The following TLK1 variants were observed in gnomAD, a reference collection of about 807,000 sequenced individuals.
TLK1 encodes serine/threonine-protein kinase tousled-like 1.
Under a neutral mutation model 105.3 loss-of-function variants are expected in TLK1, and 24 were observed. The ratio of observed to expected loss-of-function variants is 0.23; its 90% CI spans 0.17 to 0.32. The LOEUF (loss-of-function observed/expected upper bound fraction) is 0.32. Ranked by LOEUF, TLK1 falls within the 10% of genes least tolerant of loss-of-function variation. The probability of loss-of-function intolerance (pLI) is 1.00; values close to 1 mark genes in which losing one functional copy is unlikely to be tolerated. For synonymous variants in TLK1, 321 were observed against 310.4 expected (o/e 1.03, Z -0.36); for missense variants, 558 against 910.5 (o/e 0.61, Z 4.98).
In TLK1 at chr2:171,148,911, A is replaced by ATGTG. The variant is rs58338054; in HGVS notation, c.139+11375_139+11378dup. Among the ~76,000 whole-genome samples, 16 of 134,240 alleles carry ATGTG rather than the reference A, an allele frequency of 1.2e-4. No homozygotes were observed. The East Asian group carries it at 1.4e-3, about 12-fold the overall frequency. 88.1% of individuals were successfully genotyped at this position (134,240 alleles called of 152,430 possible). A position where few individuals can be genotyped will look rare whatever the true frequency, so the allele number is the denominator to read the frequency against. On this transcript the variant is annotated intron_variant, in intron 1 of 20. Transcript: ENST00000431350. ...AAAAAATATATATATATATATATAT[A>ATGTG]TGTGTGTGTGTGTGTGCGTGTGCGT...
At position 171,217,428 on chromosome 2, in the gene TLK1, C is replaced by G. The variant is rs79566386; in HGVS notation, c.-6+13717G>C. On this transcript the variant is annotated intron_variant, in intron 1 of 20. Transcript: ENST00000521943. ...CATTTTGAGAACTGGTTTCTGGACC[C>G]TCCTGTTCCATTGATCTCTTTGTCA... 6.9e-3 allele frequency among the ~76,000 whole-genome samples: 1,050 copies of G among 152,274 alleles called. 9 individuals are homozygous for G. The highest frequency in any genetic ancestry group is 0.024 in the African/African-American group (1,013 of 41,546).
chr2:171,194,817 AG>A lies in TLK1; in HGVS notation c.-6+36327del, dbSNP rs760247845. On this transcript the variant is annotated intron_variant, in intron 1 of 20. Transcript: ENST00000521943. ...GGGCGACAGAGCGAGACTCCGTCTC[AG>A]GGAAAAAAAAAAAAAAAAAAAAGTA... Among the ~76,000 whole-genome samples, 24 of 94,376 alleles carry A rather than the reference AG, an allele frequency of 2.5e-4. 1 individual carries two copies. Among genetic ancestry groups the A allele is most frequent in the African/African-American group, 1.3e-3 (22 of 16,952 alleles). The allele number at this position is 94,376 out of a possible 152,430, so 61.9% of individuals were successfully genotyped here. A position where few individuals can be genotyped will look rare whatever the true frequency, so the allele number is the denominator to read the frequency against.
chr2:171,162,846 G>C (rs1409177328), upstream of TLK1, among the ~76,000 whole-genome samples: 10 of 152,170 alleles, frequency 6.6e-5, no homozygotes, highest in African/African-American at 2.4e-4. Flanking sequence ...TTTTGCCCAG[G>C]CTGGAGTGCC....
rs573883059 is a variant in TLK1, at chr2:171,119,415, TTTCAG to T, written c.140-1563_140-1559del. 2.1e-3 allele frequency among the ~76,000 whole-genome samples: 327 copies of T among 152,342 alleles called. 2 individuals carry two copies. The highest frequency in any genetic ancestry group is 3.6e-3 in the Non-Finnish European group (248 of 68,028). ...TATTCCCCATGGCCTTCTGTTTTCTTTTCAGATCTCCTTTGGCTTCAAACATGATT... is the reference window on the plus strand; with the variant it reads ...TATTCCCCATGGCCTTCTGTTTTCTTATCTCCTTTGGCTTCAAACATGATT... On this transcript the variant is annotated intron_variant, in intron 1 of 20. Coordinates refer to ENST00000431350, the MANE Select transcript of TLK1 (RefSeq NM_012290.5).
intron 1 of TLK1, among the ~76,000 whole-genome samples, chr2:171,120,691 G>C (rs1046978275): frequency 6.6e-6 from 1 of 152,190 alleles, no homozygotes; most frequent in Non-Finnish European, 1.5e-5. Flanking sequence ...TGCATCGCTG[G>C]TGGGAACATA....
intron 3 of TLK1, among the ~76,000 whole-genome samples, chr2:171,070,179 T>C (rs946669290): frequency 6.6e-6 from 1 of 151,490 alleles, no homozygotes; most frequent in Non-Finnish European, 1.5e-5. Context: ...AGGTTCCTTT[T>C]TAAATTTTTT....
At chr2:171,222,893 C>A (rs1693834205) in intron 1 of TLK1, among the ~76,000 whole-genome samples, 1 of 152,152 alleles carries the variant, frequency 6.6e-6, no homozygotes, top group South Asian at 2.1e-4. Context: ...CGGCTCACTG[C>A]AACCTCCGCT....
intron 12 of TLK1, among the ~76,000 whole-genome samples, chr2:171,026,473 A>G (rs1485893758): frequency 6.6e-6 from 1 of 152,136 alleles, no homozygotes; most frequent in Non-Finnish European, 1.5e-5. Context: ...CTGCTCTACA[A>G]TTTCAGATTT....
At chr2:171,069,707 T>C (rs560390948) in intron 3 of TLK1, among the ~76,000 whole-genome samples, 2 of 152,328 alleles carry the variant, frequency 1.3e-5, no homozygotes, top group South Asian at 4.1e-4. Flanking sequence ...CTTTTTTACT[T>C]TCATTCTGAG....
intron 2 of TLK1, among the ~76,000 whole-genome samples, chr2:171,113,465 G>T (rs1322085822): frequency 6.6e-6 from 1 of 151,960 alleles, no homozygotes; most frequent in Non-Finnish European, 1.5e-5. Context: ...TAGAGATGGG[G>T]TTCCACCATG....
At chr2:171,056,271 G>C (rs1302043613) in intron 6 of TLK1, among the ~76,000 whole-genome samples, 200 bp downstream of exon 6, 2 of 151,970 alleles carry the variant, frequency 1.3e-5, no homozygotes, top group Admixed American at 6.6e-5. Flanking sequence ...TCTTTAAGAG[G>C]CTCACTTCCA....
chr2:171,196,292 T>C (rs1693274987), intron 1 of TLK1, among the ~76,000 whole-genome samples: 1 of 152,008 alleles, frequency 6.6e-6, no homozygotes, highest in South Asian at 2.1e-4. Context: ...CAGTTTTGTA[T>C]TTTTAATAGA....
intron 12 of TLK1, among the ~76,000 whole-genome samples, chr2:171,023,562 C>G (rs952526229): frequency 1.3e-5 from 2 of 152,062 alleles, no homozygotes; most frequent in Non-Finnish European, 2.9e-5. Flanking sequence ...ACAAAAAAAT[C>G]TGAAGACAAG....
intron 2 of TLK1, among the ~76,000 whole-genome samples, chr2:171,107,715 T>G (rs1001523359): frequency 2.0e-5 from 3 of 152,010 alleles, no homozygotes; most frequent in African/African-American, 7.2e-5. Flanking sequence ...CTGGCCAAAT[T>G]TGGGACAATT....
chr2:171,061,126 T>G lies in TLK1; in HGVS notation c.361A>C (p.Arg121=), dbSNP rs372344910. The G allele has an allele frequency of 1.9e-6, 3 of 1,613,514 alleles. No homozygotes were observed. The highest frequency in any genetic ancestry group is 1.7e-5 in the Admixed American group (1 of 59,998). ...TTTTCTGCTTTTCTCTTTCTTCCCC[T>G]GGATGATTCCGATTGTTTCTTCTCC... ...TPEKKQSESS[R]GRKRKAENQN... is the part of the protein sequence containing the mutation. Residue 121 remains arginine, a synonymous_variant, in exon 4 of 21, where the codon AGG becomes CGG. Transcript: ENST00000431350.
chr2:171,074,626 C>CAAAAAAAAAAAAAAAA (rs372844435), intron 3 of TLK1, among the ~76,000 whole-genome samples: 2 of 89,942 alleles, frequency 2.2e-5, no homozygotes, highest in Non-Finnish European at 4.7e-5. Context: ...GACTCTGCCT[C>CAAAAAAAAAAAAAAAA]AAAAAAAAAA....
At chr2:171,176,952 C>A (rs1692840433) in intron 1 of TLK1, among the ~76,000 whole-genome samples, 1 of 151,512 alleles carries the variant, frequency 6.6e-6, no homozygotes, top group Non-Finnish European at 1.5e-5. Context: ...CCTGCCTCAC[C>A]CTCCTGAGTG....
At chr2:171,021,111 C>T (rs1685479126) in intron 12 of TLK1, among the ~76,000 whole-genome samples, 1 of 152,126 alleles carries the variant, frequency 6.6e-6, no homozygotes, top group South Asian at 2.1e-4. Flanking sequence ...TAAATACATG[C>T]ATTAATACCC....
rs532579065 is a variant in TLK1 at position 171,072,457 on chromosome 2, C to CA, written c.330+10323dup. On this transcript the variant is annotated intron_variant, in intron 3 of 20. Coordinates refer to ENST00000431350, the MANE Select transcript of TLK1 (RefSeq NM_012290.5). Reference sequence around the variant, plus strand: ...TGAAACCCCATCTCTACTAAAAGTACAAAAAAATTAGCTGGGTAGGCCGGG... The same window carrying CA: ...TGAAACCCCATCTCTACTAAAAGTACAAAAAAAATTAGCTGGGTAGGCCGGG... 1.8e-4 allele frequency among the ~76,000 whole-genome samples: 27 copies of CA among 151,952 alleles called. 2 individuals are homozygous for CA. The highest frequency in any genetic ancestry group is 1.6e-3 in the Admixed American group (25 of 15,248).
Sources: gnomAD v4.1 joint callset for allele counts (sites outside exome capture counted in the v4.1 genomes callset) on GRCh38, gnomAD v4.1.1 for gene constraint, MANE v1.5 for transcripts, NCBI Gene and HGNC (gene_info 2026-07-23, HGNC 2026-07-21) for gene names.